The following MAP3K7 variants were observed in gnomAD, a reference collection of about 807,000 sequenced individuals.
MAP3K7 encodes the protein TGF-beta activated kinase 1.
MAP3K7 carries 21 observed loss-of-function variants against 84.8 expected under a neutral mutation model. The observed-to-expected ratio is 0.25, with a 90% confidence interval of 0.18 to 0.36. MAP3K7 has a LOEUF of 0.36. Among genes scored for constraint, MAP3K7 ranks in the 10% least tolerant of loss-of-function variants. The pLI is 1.00. For synonymous variants in MAP3K7, 241 were observed against 247.7 expected (o/e 0.97, Z 0.25); for missense variants, 503 against 747.7 (o/e 0.67, Z 3.82).
At position 90,522,205 on chromosome 6, in the gene MAP3K7, G is replaced by C. The variant is rs1775174043; in HGVS notation, c.1462+1473C>G. Among the ~76,000 whole-genome samples the C allele has an allele frequency of 2.0e-5, 3 of 152,078 alleles. No individual in the cohort carries two copies. In the South Asian group the frequency reaches 6.2e-4, roughly 31 times the overall value. ...CAATTGGTATTTTGTGGTGTTTCTA[G>C]GTACAGAAAAAGAAAACAATGGGAC... is the stretch of plus-strand genomic sequence containing the variant. On this transcript the variant is annotated intron_variant, in intron 14 of 16. Coordinates refer to ENST00000369329, the MANE Select transcript of MAP3K7 (RefSeq NM_145331.3).
intron 5 of MAP3K7, among the ~76,000 whole-genome samples, chr6:90,558,925 A>G (rs1167538933): frequency 6.6e-6 from 1 of 152,176 alleles, no homozygotes; most frequent in African/African-American, 2.4e-5. Context: ...ATGCTTGCCT[A>G]TATCCTTTGG....
intron 6 of MAP3K7, among the ~76,000 whole-genome samples, chr6:90,554,893 A>G (rs1448646805): frequency 1.3e-5 from 2 of 152,250 alleles, no homozygotes; most frequent in African/African-American, 2.4e-5. Context: ...ATTTTAGGGC[A>G]AAAGAGCTCC....
intron 14 of MAP3K7, among the ~76,000 whole-genome samples, chr6:90,521,823 G>C (rs9345025): frequency 6.6e-6 from 1 of 152,022 alleles, no homozygotes; most frequent in East Asian, 1.9e-4. Context: ...AGGAACTGAA[G>C]AGCGCTTATT....
chr6:90,560,045 G>A (rs1420230094), intron 5 of MAP3K7, 31 bp downstream of exon 5: 6 of 1,613,708 alleles, frequency 3.7e-6, no homozygotes, highest in Non-Finnish European at 5.1e-6. Context: ...AGGAGGAAGA[G>A]GCTGAGGGGT....
intron 12 of MAP3K7, among the ~76,000 whole-genome samples, chr6:90,538,625 G>A (rs1775752787): frequency 6.6e-6 from 1 of 151,790 alleles, no homozygotes; most frequent in African/African-American, 2.4e-5. Flanking sequence ...CACATTGCCA[G>A]TGCATACTAA....
intron 9 of MAP3K7, 94 bp from the exon 10 acceptor site, chr6:90,548,271 C>T: frequency 2.0e-6 from 2 of 1,009,848 alleles, no homozygotes; most frequent in East Asian, 2.6e-5. Flanking sequence ...ATAAACTAGC[C>T]AGGCAGGAAC....
Position 90,519,312 on chromosome 6 carries a change from A to C in MAP3K7, c.1470T>G (p.Asn490Lys), listed in dbSNP as rs1775072376. 1 of 1,575,068 alleles carries C rather than the reference A, an allele frequency of 6.3e-7. No homozygotes were observed. Among genetic ancestry groups the C allele is most frequent in the African/African-American group, 1.4e-5 (1 of 72,246 alleles). The change falls in exon 15 of 17, where the codon AAT becomes AAG. Residue 490 changes from asparagine (N) to lysine (K), a missense_variant. By Grantham distance (94) the Asn-to-Lys change is moderately conservative (BLOSUM62 0). Around this residue, in one of 5 missense-constraint regions of MAP3K7, gnomAD observed 286 missense variants for 313.6 expected, o/e 0.91. Transcript: ENST00000369329. ...PWTPDDSTDTNGSDNSIPMAY... is the reference protein window; with the variant it reads ...PWTPDDSTDTKGSDNSIPMAY... ...CCATTGGGATGGAGTTATCTGATCC[A>C]TTGGTATCTGGAATTCAAGCATGTA...
intron 13 of MAP3K7, among the ~76,000 whole-genome samples, chr6:90,531,908 A>G (rs1775518765): frequency 6.6e-6 from 1 of 151,582 alleles, no homozygotes; most frequent in Admixed American, 6.6e-5. Flanking sequence ...ATGAGCGGAG[A>G]TCACACTACT....
chr6:90,578,013 A>G (rs1240606462), intron 1 of MAP3K7, among the ~76,000 whole-genome samples: 2 of 152,200 alleles, frequency 1.3e-5, no homozygotes, highest in Non-Finnish European at 2.9e-5. Context: ...AGAAAGGGAA[A>G]AGGAAAATCC....
At chr6:90,546,122 T>C (rs1192750519) in intron 11 of MAP3K7, among the ~76,000 whole-genome samples, 1 of 152,194 alleles carries the variant, frequency 6.6e-6, no homozygotes, top group Non-Finnish European at 1.5e-5. Context: ...ATAATGCTTA[T>C]GTGTTATAGA....
chr6:90,579,044 G>A (rs1017948969), intron 1 of MAP3K7, among the ~76,000 whole-genome samples: 3 of 152,260 alleles, frequency 2.0e-5, no homozygotes, highest in East Asian at 1.9e-4. Context: ...CAAGGATCAT[G>A]TAATTAGTAA....
chr6:90,585,143 TTAGAG>T (rs2127787499), intron 1 of MAP3K7, among the ~76,000 whole-genome samples: 1 of 152,294 alleles, frequency 6.6e-6, no homozygotes, highest in East Asian at 1.9e-4. Context: ...TAGCCCTTTC[TTAGAG>T]TAAACTAAAA....
intron 13 of MAP3K7, among the ~76,000 whole-genome samples, chr6:90,531,351 G>A (rs941470578): frequency 3.9e-5 from 6 of 152,078 alleles, no homozygotes; most frequent in African/African-American, 1.4e-4. Context: ...AGAAATCTTA[G>A]TAGCTAAAAT....
intron 1 of MAP3K7, among the ~76,000 whole-genome samples, chr6:90,575,240 T>C (rs1194710957): frequency 1.3e-5 from 2 of 152,060 alleles, no homozygotes; most frequent in Non-Finnish European, 2.9e-5. Context: ...AGAGAAGAAA[T>C]TTAAGACTAA....
intron 13 of MAP3K7, among the ~76,000 whole-genome samples, chr6:90,531,911 A>C (rs1775518866): frequency 6.6e-6 from 1 of 151,516 alleles, no homozygotes; most frequent in South Asian, 2.1e-4. Flanking sequence ...AGCGGAGATC[A>C]CACTACTGCA....
intron 14 of MAP3K7, among the ~76,000 whole-genome samples, chr6:90,522,625 GGAGT>G: frequency 6.6e-6 from 1 of 152,236 alleles, no homozygotes; most frequent in South Asian, 2.1e-4. Flanking sequence ...GGGTGAAACA[GGAGT>G]TTTTGCCGCC....
At chr6:90,543,913 T>G (rs1164611168) in intron 12 of MAP3K7, among the ~76,000 whole-genome samples, 1 of 152,108 alleles carries the variant, frequency 6.6e-6, no homozygotes, top group East Asian at 1.9e-4. Flanking sequence ...AAGTACCATG[T>G]GTAAGTTAGG....
At position 90,524,235 on chromosome 6, in the gene MAP3K7, T is replaced by C. The variant is rs572469164; in HGVS notation, c.1357-452A>G. On this transcript the variant is annotated intron_variant, in intron 13 of 16. Coordinates refer to ENST00000369329, the MANE Select transcript of MAP3K7 (RefSeq NM_145331.3). ...ACTCTCAGAGAAAAGGTCACTCAAC[T>C]AGGAAAAAAAAAATCTGACCTACAA... is the stretch of plus-strand genomic sequence containing the variant. 1.9e-3 allele frequency among the ~76,000 whole-genome samples: 291 copies of C among 151,610 alleles called. 2 individuals carry two copies. Among genetic ancestry groups the C allele is most frequent in the Admixed American group, 3.9e-3 (59 of 15,236 alleles).
At chr6:90,568,929 A>G (rs1172451091) in intron 2 of MAP3K7, among the ~76,000 whole-genome samples, 1 of 152,176 alleles carries the variant, frequency 6.6e-6, no homozygotes, top group Non-Finnish European at 1.5e-5. Flanking sequence ...AGTATATAGA[A>G]TAAGAAGAGA....
Sources: allele counts gnomAD v4.1 joint callset (sites outside exome capture counted in the v4.1 genomes callset), GRCh38; gene constraint gnomAD v4.1.1; regional missense constraint gnomAD v4.1.1; transcripts MANE v1.5; gene names NCBI Gene and HGNC (gene_info 2026-07-23, HGNC 2026-07-21).